CLDN14: variants seen among roughly 807,000 people sequenced by gnomAD.
The protein encoded by CLDN14 is claudin-14.
CLDN14 carries 2 observed loss-of-function variants against 2.1 expected under a neutral mutation model. The ratio of observed to expected loss-of-function variants is 0.96; its 90% confidence interval spans 0.39 to 3.01. The LOEUF (loss-of-function observed/expected upper bound fraction) is 3.01, where lower values mean the gene tolerates loss of function less well. Among genes scored for constraint, CLDN14 ranks in the 30% most tolerant of loss-of-function variants. The pLI is 0.09. For synonymous variants in CLDN14, 136 were observed against 154.4 expected, an observed-to-expected ratio of 0.88 and a Z score of 0.88; for missense variants, 298 against 328.0, an observed-to-expected ratio of 0.91 and a Z score of 0.71.
At chr21:36,572,224 T>A (rs1476093363) in intron 1 of CLDN14, among the ~76,000 whole-genome samples, 1 of 152,196 alleles carries the variant, frequency 6.6e-6, no homozygotes, top group Non-Finnish European at 1.5e-5. Flanking sequence ...GCTATGTAAT[T>A]CCAGCCCTGG....
At chr21:36,489,052 A>G (rs2086930101) in intron 2 of CLDN14, among the ~76,000 whole-genome samples, 2 of 149,118 alleles carry the variant, frequency 1.3e-5, no homozygotes, top group African/African-American at 5.0e-5. Flanking sequence ...GGAAGTTGCA[A>G]TAAGTCGAGA....
At chr21:36,553,599 T>G (rs1323699374) in intron 1 of CLDN14, among the ~76,000 whole-genome samples, 4 of 151,884 alleles carry the variant, frequency 2.6e-5, no homozygotes. Context: ...GGGAGGTGGT[T>G]GGGTGGGATG....
intron 1 of CLDN14, among the ~76,000 whole-genome samples, chr21:36,535,808 G>A (rs1174101234): frequency 6.6e-6 from 1 of 152,186 alleles, no homozygotes; most frequent in Non-Finnish European, 1.5e-5. Context: ...CAAAGCACAT[G>A]AATTTTGTAT....
chr21:36,543,964 G>A (rs1458866091), intron 1 of CLDN14, among the ~76,000 whole-genome samples: 1 of 152,206 alleles, frequency 6.6e-6, no homozygotes, highest in East Asian at 1.9e-4. Context: ...ACTTAGCAAA[G>A]AAACTGAGTC....
At chr21:36,511,502 T>G (rs1367915618) in intron 1 of CLDN14, among the ~76,000 whole-genome samples, 4 of 152,188 alleles carry the variant, frequency 2.6e-5, no homozygotes, top group Non-Finnish European at 4.4e-5. Context: ...AGTTTCCTCT[T>G]GTGTGCAATC....
intron 1 of CLDN14, among the ~76,000 whole-genome samples, chr21:36,475,727 A>G (rs1432487563): frequency 6.6e-6 from 1 of 151,982 alleles, no homozygotes; most frequent in Non-Finnish European, 1.5e-5. Context: ...CGCTGGCTTC[A>G]TTGATTTAAC....
In CLDN14 at chr21:36,523,781, G is replaced by GAGAGAGAGAGAGAGAGAGAA. The variant is rs1568868851; in HGVS notation, c.-219-13282_-219-13281insTTCTCTCTCTCTCTCTCTCT. ...AAAAAAAGAAAGAAAGAGAGAAAGA[G>GAGAGAGAGAGAGAGAGAGAA]AGAAAGAAAGAAAGAAAGAAAGAAA... On this transcript the variant is annotated intron_variant, in intron 1 of 2. Transcript: ENST00000342108. Among the ~76,000 whole-genome samples the GAGAGAGAGAGAGAGAGAGAA allele has an allele frequency of 2.7e-3, 102 of 38,344 alleles. 2 individuals are homozygous for GAGAGAGAGAGAGAGAGAGAA. The highest frequency in any genetic ancestry group is 5.3e-3 in the African/African-American group (73 of 13,720). 25.2% of individuals were successfully genotyped at this position (38,344 alleles called of 152,430 possible). A position where few individuals can be genotyped will look rare whatever the true frequency, so the allele number is the denominator to read the frequency against.
At chr21:36,486,926 A>G in intron 2 of CLDN14, 2 of 591,328 alleles carry the variant, frequency 3.4e-6, no homozygotes, top group Non-Finnish European at 3.2e-6. Context: ...AGCACTTCAC[A>G]GTCATTAGCC....
At chr21:36,508,602 C>A (rs896952583) in intron 2 of CLDN14, among the ~76,000 whole-genome samples, 8 of 152,276 alleles carry the variant, frequency 5.3e-5, no homozygotes, top group Non-Finnish European at 8.8e-5. Context: ...CAAGCAAGCA[C>A]AGAGCCATCC....
intron 1 of CLDN14, among the ~76,000 whole-genome samples, chr21:36,562,580 CT>C (rs1202872259): frequency 6.6e-6 from 1 of 152,142 alleles, no homozygotes; most frequent in Non-Finnish European, 1.5e-5. Context: ...CATGTGTCAT[CT>C]TGTGTTTATG....
intron 1 of CLDN14, among the ~76,000 whole-genome samples, chr21:36,554,011 TC>T (rs2087581045): frequency 6.6e-6 from 1 of 152,072 alleles, no homozygotes; most frequent in Non-Finnish European, 1.5e-5. Context: ...GTACCCCCTT[TC>T]CCTATGGTAT....
intron 1 of CLDN14, among the ~76,000 whole-genome samples, chr21:36,533,307 C>A (rs749143562): frequency 4.6e-5 from 7 of 152,162 alleles, no homozygotes; most frequent in Non-Finnish European, 1.0e-4. Context: ...GGAGGGTGCT[C>A]CCCACAGTGC....
intron 1 of CLDN14, among the ~76,000 whole-genome samples, chr21:36,559,657 A>C (rs2146522866): frequency 6.6e-6 from 1 of 152,368 alleles, no homozygotes; most frequent in African/African-American, 2.4e-5. Flanking sequence ...ATCAAGGATA[A>C]ACATAAAATC....
chr21:36,506,576 GA>G (rs1278332115), intron 2 of CLDN14, among the ~76,000 whole-genome samples: 7 of 145,274 alleles, frequency 4.8e-5, no homozygotes, highest in Admixed American at 2.8e-4. Context: ...CAGCCTGGGT[GA>G]AAGACCAAGA....
At chr21:36,466,441 A>G (rs1568842840) in intron 1 of CLDN14, 1 of 152,232 alleles carries the variant, frequency 6.6e-6, no homozygotes, top group Non-Finnish European at 1.5e-5. Flanking sequence ...TCCTCTTTAC[A>G]TGGCAGCAGG....
At chr21:36,567,389 G>C (rs1049678038) in intron 1 of CLDN14, among the ~76,000 whole-genome samples, 5 of 152,218 alleles carry the variant, frequency 3.3e-5, no homozygotes, top group African/African-American at 1.2e-4. Context: ...AGCTCCAAGG[G>C]GAGCCAACCG....
rs1446818567 is a variant in CLDN14, at chr21:36,551,435, C to A, written c.-220+24976G>T. Among the ~76,000 whole-genome samples, 3 of 152,212 alleles carry A rather than the reference C, an allele frequency of 2.0e-5. No individual in the cohort carries two copies. Among genetic ancestry groups the A allele is most frequent in the Non-Finnish European group, 2.9e-5 (2 of 68,044 alleles). ...CCTCCTTTTCTTGCCTCTCTTCCCTCTTCAGCCCACAAACTCCTTGAGGTC... is the reference window on the plus strand; with the variant it reads ...CCTCCTTTTCTTGCCTCTCTTCCCTATTCAGCCCACAAACTCCTTGAGGTC... On this transcript the variant is annotated intron_variant, in intron 1 of 2. Transcript: ENST00000342108. The surrounding 1 kb of genome is among the most constrained non-coding windows in gnomAD (Gnocchi z 4.8).
intron 1 of CLDN14, chr21:36,542,669 C>G (rs1259767436): frequency 6.6e-6 from 1 of 152,280 alleles, no homozygotes; most frequent in African/African-American, 2.4e-5. Context: ...ATCCGGCCTC[C>G]CCTCGAGCGA....
At chr21:36,537,307 AAGTC>A (rs1253224125) in intron 1 of CLDN14, among the ~76,000 whole-genome samples, 2 of 152,190 alleles carry the variant, frequency 1.3e-5, no homozygotes, top group African/African-American at 4.8e-5. Flanking sequence ...GCCCTTCAGA[AAGTC>A]AGTCATAACA....
Sources: gnomAD v4.1 joint callset for allele counts (sites outside exome capture counted in the v4.1 genomes callset) on GRCh38, gnomAD v4.1.1 for gene constraint, Gnocchi (gnomAD v3.1) non-coding constraint, MANE v1.5 for transcripts, NCBI Gene and HGNC (gene_info 2026-07-23, HGNC 2026-07-21) for gene names.